PRR32: variants seen among roughly 807,000 people sequenced by gnomAD.
PRR32 encodes the protein proline rich 32, also known as proline-rich protein 32.
PRR32 carries 2 observed loss-of-function variants against 1.3 expected under a neutral mutation model. The ratio of observed to expected loss-of-function variants is 1.49; its 90% CI spans 0.61 to 4.68. The LOEUF (loss-of-function observed/expected upper bound fraction) is 4.68. Ranked by LOEUF, PRR32 falls within the 30% of genes most tolerant of loss-of-function variation. The pLI is 0.06. For missense variants in PRR32, 241 were observed against 232.5 expected, an observed-to-expected ratio of 1.04 and a Z score of -0.24; for synonymous variants, 107 against 88.7, an observed-to-expected ratio of 1.21 and a Z score of -1.16.
chrX:126,819,730 T>A lies in PRR32; in HGVS notation c.-114T>A. ...AAGAAGCAGTTGGTCCCTGGCTTCA[T>A]TCTAGTTGCCAAGCCTCTAAAGCAG... On this transcript the variant is annotated 5_prime_UTR_variant, in exon 1 of 2. Transcript: ENST00000371125. 1 of 558,959 alleles carries A rather than the reference T, an allele frequency of 1.8e-6. No homozygotes were observed. Among genetic ancestry groups the A allele is most frequent in the Non-Finnish European group, 2.6e-6 (1 of 385,708 alleles). The allele number at this position is 558,959 out of a possible 1,213,427, so 46.1% of individuals were successfully genotyped here.
At position 126,821,489 on chromosome X, in the gene PRR32, C is replaced by T. The variant is rs1410486528; in HGVS notation, c.851C>T (p.Ser284Phe). The T allele has an allele frequency of 3.4e-6, 4 of 1,167,642 alleles. No individual in the cohort carries two copies. Among genetic ancestry groups the T allele is most frequent in the Non-Finnish European group, 4.6e-6 (4 of 873,179 alleles). ...PLPSYFAHFH[S>F]GGMPAPASPN... ...CCTTCTTATTTTGCCCATTTCCATT[C>T]TGGGGGAATGCCAGCTCCTGCATCA... Residue 284 changes from serine to phenylalanine, a missense_variant, in exon 2 of 2, where the codon TCT becomes TTT. By Grantham distance (155) the Ser-to-Phe change is radical. Transcript: ENST00000371125.
rs1455499376 is a variant in PRR32 at position 126,820,656 on chromosome X, A to T, written c.21-3A>T. The T allele has an allele frequency of 8.7e-7, 1 of 1,155,715 alleles. No individual in the cohort carries two copies. Among genetic ancestry groups the T allele is most frequent in the East Asian group, 3.3e-5 (1 of 30,622 alleles). ...TTAGCTGTTTGATTTCTGTTTTTGC[A>T]AGCCTTGGAGGGCACGCCCCTTCAC... is the stretch of plus-strand genomic sequence containing the variant. On this transcript the variant is annotated splice_polypyrimidine_tract_variant and splice_region_variant and intron_variant, in intron 1 of 1. Coordinates refer to ENST00000371125, the MANE Select transcript of PRR32 (RefSeq NM_001122716.2).
chrX:126,820,571 C>A, intron 1 of PRR32, 88 bp from the exon 2 acceptor site: 1 of 1,040,078 alleles, frequency 9.6e-7, no homozygotes, highest in Non-Finnish European at 1.3e-6. Context: ...TGGTATATTT[C>A]AGTGAGCTCA....
rs1309675210 is a variant in PRR32 at position 126,820,612 on chromosome X, C to A, written c.21-47C>A. The A allele has an allele frequency of 7.1e-6, 8 of 1,126,852 alleles. No homozygotes were observed. In the South Asian group the frequency reaches 1.3e-4, roughly 18 times the overall value. The allele number at this position is 1,126,852 out of a possible 1,213,427, so 92.9% of individuals were successfully genotyped here. A position where few individuals can be genotyped will look rare whatever the true frequency, so the allele number is the denominator to read the frequency against. ...TTACATATTGTAGCTATTTTCTGGT[C>A]AGTGCATTTCCATTTTTATTAGCTG... On this transcript the variant is annotated intron_variant, in intron 1 of 1. Coordinates refer to ENST00000371125, the MANE Select transcript of PRR32 (RefSeq NM_001122716.2).
rs1211588861 is a variant in PRR32 at position 126,821,136 on chromosome X, AG to A, written c.500del (p.Gly167ValfsTer12). The A allele has an allele frequency of 6.0e-6, 7 of 1,166,187 alleles. No individual in the cohort carries two copies. In the East Asian group the frequency reaches 2.0e-4, roughly 33 times the overall value. On this transcript the variant is annotated frameshift_variant, in exon 2 of 2. Transcript: ENST00000371125. LOFTEE classifies it low-confidence loss of function (END_TRUNC). ...NARLHVALPQ[G>X]KGFFPPRGPQ... ...CAAGGTTGCATGTAGCTTTGCCACA[AG>A]GTAAAGGGTTCTTTCCACCCAGGGG... is the stretch of plus-strand genomic sequence containing the variant.
chrX:126,821,620 T>A lies in PRR32; in HGVS notation c.*85T>A. On this transcript the variant is annotated 3_prime_UTR_variant, in exon 2 of 2. Coordinates refer to ENST00000371125, the MANE Select transcript of PRR32 (RefSeq NM_001122716.2). ...CTTTTATATTTGAAACCTTGTACCC[T>A]CCCACACTCTGTTTAGCACTAATGT... 4 of 1,076,679 alleles carry A rather than the reference T, an allele frequency of 3.7e-6. No individual in the cohort carries two copies. The highest frequency in any genetic ancestry group is 4.9e-6 in the Non-Finnish European group (4 of 818,422). 88.7% of individuals were successfully genotyped at this position (1,076,679 alleles called of 1,213,427 possible).
chrX:126,820,971 C>G lies in PRR32; in HGVS notation c.333C>G (p.Ser111Arg). The change falls in exon 2 of 2, where the codon AGC becomes AGG. Residue 111 changes from serine (S) to arginine (R), a missense_variant. By Grantham distance (110) the Ser-to-Arg change is moderately radical. Coordinates refer to ENST00000371125, the MANE Select transcript of PRR32 (RefSeq NM_001122716.2). ...CCCTAGCAACAGCAGAAGTAAACAG[C>G]TCTGATGCACTGGCAGGCTGGAGGC... ...EESLATAEVN[S>R]SDALAGWRQE... The G allele has an allele frequency of 8.6e-7, 1 of 1,165,316 alleles. No homozygotes were observed. The highest frequency in any genetic ancestry group is 1.1e-6 in the Non-Finnish European group (1 of 871,784).
At position 126,820,853 on chromosome X, in the gene PRR32, G is replaced by C; in HGVS notation, c.215G>C (p.Trp72Ser). The C allele has an allele frequency of 2.6e-6, 3 of 1,167,593 alleles. No homozygotes were observed. Among genetic ancestry groups the C allele is most frequent in the Non-Finnish European group, 3.4e-6 (3 of 872,933 alleles). ...GATCTGGATAGCAAGCAACTGGAGT[G>C]GCCCTCTGAAAGAACAGGATCCTGC... ...LTDLDSKQLE[W>S]PSERTGSCIP... The change falls in exon 2 of 2, where the codon TGG (tryptophan) becomes TCG (serine). Residue 72 changes from tryptophan to serine, a missense_variant. Coordinates refer to ENST00000371125, the MANE Select transcript of PRR32 (RefSeq NM_001122716.2).
At chrX:126,820,537 G>C in intron 1 of PRR32, 122 bp from the exon 2 acceptor site, 1 of 893,076 alleles carries the variant, frequency 1.1e-6, no homozygotes, top group Non-Finnish European at 1.5e-6. Context: ...CTACATATAG[G>C]GGAGAGGGCA....
Position 126,820,874 on chromosome X carries a change from C to G in PRR32, c.236C>G (p.Ser79Cys). The change falls in exon 2 of 2, where the codon TCC (serine) becomes TGC (cysteine). Residue 79 changes from serine (S) to cysteine (C), a missense_variant. By Grantham distance (112) the Ser-to-Cys change is moderately radical (BLOSUM62 -1). Coordinates refer to ENST00000371125, the MANE Select transcript of PRR32 (RefSeq NM_001122716.2). ...QLEWPSERTG[S>C]CIPLHSLRAH... Reference sequence around the variant, plus strand: ...GAGTGGCCCTCTGAAAGAACAGGATCCTGCATTCCTCTTCATAGCTTGAGA... The same window carrying G: ...GAGTGGCCCTCTGAAAGAACAGGATGCTGCATTCCTCTTCATAGCTTGAGA... 8.6e-7 allele frequency: 1 copy of G among 1,167,586 alleles called. No individual in the cohort carries two copies. Among genetic ancestry groups the G allele is most frequent in the African/African-American group, 1.8e-5 (1 of 56,256 alleles).
Position 126,820,877 on chromosome X carries a change from G to C in PRR32, c.239G>C (p.Cys80Ser). The C allele has an allele frequency of 8.6e-7, 1 of 1,167,730 alleles. No individual in the cohort carries two copies. The highest frequency in any genetic ancestry group is 1.1e-6 in the Non-Finnish European group (1 of 872,919). Reference sequence around the variant, plus strand: ...TGGCCCTCTGAAAGAACAGGATCCTGCATTCCTCTTCATAGCTTGAGAGCT... The same window carrying C: ...TGGCCCTCTGAAAGAACAGGATCCTCCATTCCTCTTCATAGCTTGAGAGCT... ...LEWPSERTGS[C>S]IPLHSLRAHR... The change falls in exon 2 of 2, where the codon TGC (cysteine) becomes TCC (serine). Residue 80 changes from cysteine (C) to serine (S), a missense_variant. Coordinates refer to ENST00000371125, the MANE Select transcript of PRR32 (RefSeq NM_001122716.2).
chrX:126,821,434 G>T lies in PRR32; in HGVS notation c.796G>T (p.Ala266Ser). ...NPFLTMPLPFAPPPIFGPPLP... is the reference protein window; with the variant it reads ...NPFLTMPLPFSPPPIFGPPLP... Reference sequence around the variant, plus strand: ...CTTTCTCACTATGCCTCTTCCTTTTGCTCCTCCTCCGATATTTGGTCCTCC... The same window carrying T: ...CTTTCTCACTATGCCTCTTCCTTTTTCTCCTCCTCCGATATTTGGTCCTCC... Residue 266 changes from alanine (A) to serine (S), a missense_variant, in exon 2 of 2, where the codon GCT becomes TCT. Coordinates refer to ENST00000371125, the MANE Select transcript of PRR32 (RefSeq NM_001122716.2). 1 of 1,167,706 alleles carries T rather than the reference G, an allele frequency of 8.6e-7. No individual in the cohort carries two copies. Among genetic ancestry groups the T allele is most frequent in the Non-Finnish European group, 1.1e-6 (1 of 873,022 alleles).
chrX:126,820,337 G>A (rs1035286958), intron 1 of PRR32, among the ~76,000 whole-genome samples: 44 of 112,009 alleles, frequency 3.9e-4, no homozygotes, highest in African/African-American at 1.4e-3. Flanking sequence ...AGAGAGAATT[G>A]AAAAAGCTGG....
intron 1 of PRR32, among the ~76,000 whole-genome samples, chrX:126,820,164 G>T (rs943068368): frequency 3.6e-5 from 4 of 111,554 alleles, no homozygotes; most frequent in Non-Finnish European, 7.5e-5. Flanking sequence ...AACAAAATTT[G>T]GTGTGAGTGT....
chrX:126,821,319 G>A lies in PRR32; in HGVS notation c.681G>A (p.Arg227=), dbSNP rs200197522. 1.7e-5 allele frequency: 20 copies of A among 1,166,855 alleles called. No individual in the cohort carries two copies. The highest frequency in any genetic ancestry group is 3.6e-5 in the African/African-American group (2 of 55,761). The change falls in exon 2 of 2, where the codon AGG becomes AGA. Residue 227 remains arginine (R), a synonymous_variant. Transcript: ENST00000371125. ...GCCACCCCATGCATAATTGGCCAAGGCCTATCCCGTTGTCTTCCAGTACTC... is the reference window on the plus strand; with the variant it reads ...GCCACCCCATGCATAATTGGCCAAGACCTATCCCGTTGTCTTCCAGTACTC... ...GPCHPMHNWP[R]PIPLSSSTPG...
At position 126,821,267 on chromosome X, in the gene PRR32, A is replaced by G. The variant is rs1930554492; in HGVS notation, c.629A>G (p.His210Arg). The change falls in exon 2 of 2, where the codon CAT becomes CGT. Residue 210 changes from histidine to arginine, a missense_variant. His to Arg is a conservative substitution (Grantham distance 29). Transcript: ENST00000371125. ...ATAGCCTGCAGAGGAAAGCTGGCTC[A>G]TGTTTCTTTCCCACTCAGGGGCCCA... ...TRIACRGKLAHVSFPLRGPCH... is the reference protein window; with the variant it reads ...TRIACRGKLARVSFPLRGPCH... 8 of 1,168,149 alleles carry G rather than the reference A, an allele frequency of 6.8e-6. No homozygotes were observed. The highest frequency in any genetic ancestry group is 9.2e-6 in the Non-Finnish European group (8 of 873,101).
Position 126,819,806 on chromosome X carries a change from C to T in PRR32, c.-38C>T. ...AGCTGGCCTGTTCAGTGGGTTATCTCCACCACCTCAGGAAAGCTATTCTGA... is the reference window on the plus strand; with the variant it reads ...AGCTGGCCTGTTCAGTGGGTTATCTTCACCACCTCAGGAAAGCTATTCTGA... On this transcript the variant is annotated 5_prime_UTR_variant, in exon 1 of 2. Transcript: ENST00000371125. 2 of 1,159,964 alleles carry T rather than the reference C, an allele frequency of 1.7e-6. No individual in the cohort carries two copies. The highest frequency in any genetic ancestry group is 2.3e-6 in the Non-Finnish European group (2 of 867,855).
Position 126,820,695 on chromosome X carries a change from T to G in PRR32, c.57T>G (p.Ser19=), listed in dbSNP as rs758561498. 8.6e-7 allele frequency: 1 copy of G among 1,166,472 alleles called. No individual in the cohort carries two copies. Among genetic ancestry groups the G allele is most frequent in the African/African-American group, 1.8e-5 (1 of 55,853 alleles). Residue 19 remains serine (S), a synonymous_variant, in exon 2 of 2, where the codon TCT becomes TCG. Transcript: ENST00000371125. ...ACGCCCCTTCACCCTTGGTAGTATC[T>G]GTGGACAAAAATGGGAACCAGGAGC... is the stretch of plus-strand genomic sequence containing the variant. ...GGHAPSPLVV[S]VDKNGNQELH...
At position 126,820,894 on chromosome X, in the gene PRR32, T is replaced by G; in HGVS notation, c.256T>G (p.Leu86Val). 8.6e-7 allele frequency: 1 copy of G among 1,167,770 alleles called. No homozygotes were observed. Among genetic ancestry groups the G allele is most frequent in the South Asian group, 1.9e-5 (1 of 52,713 alleles). The change falls in exon 2 of 2, where the codon TTG becomes GTG. Residue 86 changes from leucine to valine, a missense_variant. Coordinates refer to ENST00000371125, the MANE Select transcript of PRR32 (RefSeq NM_001122716.2). ...RTGSCIPLHS[L>V]RAHRHPYGPP... ...AGGATCCTGCATTCCTCTTCATAGC[T>G]TGAGAGCTCATAGACACCCCTACGG...
Sources: allele counts gnomAD v4.1 joint callset (sites outside exome capture counted in the v4.1 genomes callset), GRCh38; gene constraint gnomAD v4.1.1; transcripts MANE v1.5; gene names NCBI Gene and HGNC (gene_info 2026-07-23, HGNC 2026-07-21).